Variants in AKAP13 observed in about 807,000 individuals in gnomAD.
The protein encoded by AKAP13 is A-kinase anchor protein 13.
A neutral mutation model predicts 264.5 loss-of-function variants in AKAP13; 80 were observed. The observed-to-expected ratio is 0.30, with a 90% CI of 0.25 to 0.36. AKAP13 has a LOEUF of 0.36. Among genes scored for constraint, AKAP13 ranks in the 10% least tolerant of loss-of-function variants. AKAP13 has a pLI of 1.00. For synonymous variants in AKAP13, 1,380 were observed against 1,250.2 expected (o/e 1.10, Z -2.19); for missense variants, 3,712 against 3,435.2 (o/e 1.08, Z -2.01).
Position 85,406,395 on chromosome 15 carries a change from A to G in AKAP13, c.-12+25597A>G, listed in dbSNP as rs1030698732. ...TTTTTGTGACCTTAGACTAGAAAAT[A>G]GTTTTTTTTTTTGTTTTTTTTTTGG... On this transcript the variant is annotated intron_variant, in intron 1 of 36. Coordinates refer to ENST00000394518, the MANE Select transcript of AKAP13 (RefSeq NM_007200.5). Among the ~76,000 whole-genome samples the G allele has an allele frequency of 1.2e-3, 75 of 60,616 alleles. 5 individuals carry two copies. Among genetic ancestry groups the G allele is most frequent in the Non-Finnish European group, 9.1e-4 (24 of 26,334 alleles). The allele number at this position is 60,616 out of a possible 152,430, so 39.8% of individuals were successfully genotyped here.
At chr15:85,662,370 C>A (rs1353582458) in intron 12 of AKAP13, 1 of 1,613,782 alleles carries the variant, frequency 6.2e-7, no homozygotes, top group African/African-American at 1.3e-5. Context: ...CTGTTTCTGT[C>A]TTTGATGTCA....
chr15:85,545,190 A>G (rs2077695901), intron 5 of AKAP13, among the ~76,000 whole-genome samples: 1 of 152,180 alleles, frequency 6.6e-6, no homozygotes, highest in African/African-American at 2.4e-5. Context: ...CACACTTCCC[A>G]TCTGGCCAAT....
intron 3 of AKAP13, 116 bp downstream of exon 3, chr15:85,521,691 A>T: frequency 8.5e-7 from 1 of 1,176,872 alleles, no homozygotes; most frequent in Non-Finnish European, 1.1e-6. Flanking sequence ...AAAAAAATTT[A>T]TTAGTTTATA....
At chr15:85,645,454 A>G (rs1330380988) in intron 9 of AKAP13, among the ~76,000 whole-genome samples, 1 of 152,214 alleles carries the variant, frequency 6.6e-6, no homozygotes, top group African/African-American at 2.4e-5. Flanking sequence ...TTTTGAAGAC[A>G]AAAGAAAAAA....
At position 85,669,679 on chromosome 15, in the gene AKAP13, G is replaced by T. The variant is rs191324678; in HGVS notation, c.4993-43G>T. 157 of 1,372,746 alleles carry T rather than the reference G, an allele frequency of 1.1e-4. No individual in the cohort carries two copies. The African/African-American group carries it at 2.0e-3, about 17-fold the overall frequency. 85.0% of individuals were successfully genotyped at this position (1,372,746 alleles called of 1,614,324 possible). A position where few individuals can be genotyped will look rare whatever the true frequency, so the allele number is the denominator to read the frequency against. On this transcript the variant is annotated intron_variant, in intron 13 of 36. Coordinates refer to ENST00000394518, the MANE Select transcript of AKAP13 (RefSeq NM_007200.5). Reference sequence around the variant, plus strand: ...GTTTTATGCTTATCTAGAAATATGAGAGTATATGCTTACAACGTGTTCTTC... The same window carrying T: ...GTTTTATGCTTATCTAGAAATATGATAGTATATGCTTACAACGTGTTCTTC...
chr15:85,670,249 T>G (rs936327121), intron 14 of AKAP13, among the ~76,000 whole-genome samples: 2 of 151,984 alleles, frequency 1.3e-5, no homozygotes, highest in African/African-American at 4.8e-5. Flanking sequence ...TCTTTATCAC[T>G]CCCCTAAAGA....
At chr15:85,604,464 T>C (rs1408216253) in intron 8 of AKAP13, among the ~76,000 whole-genome samples, 1 of 150,856 alleles carries the variant, frequency 6.6e-6, no homozygotes, top group Non-Finnish European at 1.5e-5. Context: ...CTGCTGCTGC[T>C]GCTTTTTTTT....
At position 85,730,501 on chromosome 15, in the gene AKAP13, T is replaced by C. The variant is rs747176693; in HGVS notation, c.7088-12T>C. 2 of 1,611,688 alleles carry C rather than the reference T, an allele frequency of 1.2e-6. No homozygotes were observed. The highest frequency in any genetic ancestry group is 2.7e-5 in the African/African-American group (2 of 74,840). ...ACCAATCAAATCACAGATCATTTTC[T>C]CCTTCCTGCAGAACAACTTCACCAG... On this transcript the variant is annotated splice_polypyrimidine_tract_variant and intron_variant, in intron 29 of 36. Coordinates refer to ENST00000394518, the MANE Select transcript of AKAP13 (RefSeq NM_007200.5).
intron 1 of AKAP13, among the ~76,000 whole-genome samples, chr15:85,388,827 T>A (rs905104582): frequency 6.6e-6 from 1 of 152,244 alleles, no homozygotes; most frequent in Non-Finnish European, 1.5e-5. Flanking sequence ...TCATGATAGT[T>A]GTTGAGTCCT....
intron 5 of AKAP13, among the ~76,000 whole-genome samples, chr15:85,565,388 A>G (rs1395074712): frequency 6.6e-6 from 1 of 152,242 alleles, no homozygotes; most frequent in African/African-American, 2.4e-5. Context: ...TAATTCACCA[A>G]CTGAAACAAC....
At chr15:85,576,510 G>A in intron 6 of AKAP13, among the ~76,000 whole-genome samples, 1 of 150,216 alleles carries the variant, frequency 6.7e-6, no homozygotes, top group South Asian at 2.1e-4. Flanking sequence ...CGTCATATGT[G>A]TACATCTCTC....
At chr15:85,397,039 G>T (rs1239025623) in intron 1 of AKAP13, among the ~76,000 whole-genome samples, 1 of 55,972 alleles carries the variant, frequency 1.8e-5, no homozygotes, top group Non-Finnish European at 3.5e-5. Flanking sequence ...ATTCCCCCCC[G>T]CCCCCCGAGG....
intron 10 of AKAP13, among the ~76,000 whole-genome samples, chr15:85,650,044 C>T (rs957233941): frequency 6.6e-6 from 1 of 152,056 alleles, no homozygotes; most frequent in Admixed American, 6.6e-5. Flanking sequence ...CTAAAGGGAA[C>T]ATCCTTCTTT....
chr15:85,578,786 G>T, intron 6 of AKAP13, 144 bp from the exon 7 acceptor site: 1 of 715,948 alleles, frequency 1.4e-6, no homozygotes. Context: ...AAATTTATTT[G>T]TATTCTTTTA....
intron 1 of AKAP13, among the ~76,000 whole-genome samples, chr15:85,430,711 A>G (rs1199391989): frequency 1.3e-5 from 2 of 152,160 alleles, no homozygotes; most frequent in Non-Finnish European, 2.9e-5. Flanking sequence ...AATTGTGTAT[A>G]ACAACTAGCA....
chr15:85,716,461 C>G (rs1247134342), intron 20 of AKAP13, among the ~76,000 whole-genome samples: 2 of 152,190 alleles, frequency 1.3e-5, no homozygotes, highest in Non-Finnish European at 2.9e-5. Context: ...CTGGCCAGGC[C>G]TTGGCTGTCA....
At chr15:85,734,665 C>G (rs902706371) in intron 30 of AKAP13, among the ~76,000 whole-genome samples, 1 of 152,238 alleles carries the variant, frequency 6.6e-6, no homozygotes, top group Admixed American at 6.5e-5. Context: ...ATCAATCCAT[C>G]TTACTTTCCA....
intron 1 of AKAP13, among the ~76,000 whole-genome samples, chr15:85,469,422 G>C (rs1474226791): frequency 6.6e-6 from 1 of 152,126 alleles, no homozygotes; most frequent in Admixed American, 6.5e-5. Flanking sequence ...TTTCCAGGTA[G>C]TTCCAGATTG....
intron 8 of AKAP13, among the ~76,000 whole-genome samples, chr15:85,636,554 T>C (rs538884813): frequency 1.3e-5 from 2 of 152,322 alleles, no homozygotes; most frequent in Admixed American, 1.3e-4. Context: ...GGTTGAGTAA[T>C]TTCCTTTCTG....
Sources: allele counts gnomAD v4.1 joint callset (sites outside exome capture counted in the v4.1 genomes callset), GRCh38; gene constraint gnomAD v4.1.1; transcripts MANE v1.5; gene names NCBI Gene and HGNC (gene_info 2026-07-23, HGNC 2026-07-21).